ADAMTSL1: variants seen among roughly 807,000 people sequenced by gnomAD.
The protein encoded by ADAMTSL1 is ADAMTS like 1.
ADAMTSL1 carries 126 observed loss-of-function variants against 201.8 expected under a neutral mutation model. The ratio of observed to expected loss-of-function variants is 0.62; its 90% CI spans 0.54 to 0.72. The LOEUF is 0.72. Ranked by LOEUF, ADAMTSL1 falls within the 30% of genes least tolerant of loss-of-function variation. The pLI is 0.00. For synonymous variants in ADAMTSL1, 1,121 were observed against 903.4 expected, an observed-to-expected ratio of 1.24 and a Z score of -4.32; for missense variants, 2,679 against 2,277.8, an observed-to-expected ratio of 1.18 and a Z score of -3.59.
At chr9:18,672,284 G>A (rs1384062739) in intron 9 of ADAMTSL1, among the ~76,000 whole-genome samples, 1 of 151,752 alleles carries the variant, frequency 6.6e-6, no homozygotes, top group Non-Finnish European at 1.5e-5. Flanking sequence ...TGGAATTTGA[G>A]GTGATGGCCT....
chr9:18,905,933 A>C, intron 27 of ADAMTSL1, 42 bp downstream of exon 27: 2 of 1,490,256 alleles, frequency 1.3e-6, no homozygotes, highest in Non-Finnish European at 1.8e-6. Flanking sequence ...GCCCCATGTC[A>C]ACAGCACGGA....
chr9:18,727,429 G>T (rs1817955058), intron 15 of ADAMTSL1, among the ~76,000 whole-genome samples: 1 of 152,220 alleles, frequency 6.6e-6, no homozygotes, highest in South Asian at 2.1e-4. Flanking sequence ...AGTTAATGCT[G>T]TTACTACTGT....
At chr9:18,787,060 A>C (rs10963758) in intron 19 of ADAMTSL1, among the ~76,000 whole-genome samples, 1 of 152,074 alleles carries the variant, frequency 6.6e-6, no homozygotes, top group African/African-American at 2.4e-5. Flanking sequence ...TTCTCTATGT[A>C]CAAGTCATAA....
intron 23 of ADAMTSL1, among the ~76,000 whole-genome samples, chr9:18,842,532 G>T (rs1202743837): frequency 2.0e-5 from 3 of 152,188 alleles, no homozygotes; most frequent in Non-Finnish European, 4.4e-5. Flanking sequence ...GGGGTGGAGA[G>T]TTCTGTAGAC....
intron 26 of ADAMTSL1, among the ~76,000 whole-genome samples, chr9:18,905,112 T>A (rs1830229842): frequency 6.6e-6 from 1 of 152,220 alleles, no homozygotes. Flanking sequence ...CCTCTTGTTT[T>A]ACTGAAATAG....
intron 1 of ADAMTSL1, among the ~76,000 whole-genome samples, chr9:18,058,639 A>T (rs902052252): frequency 1.3e-5 from 2 of 152,160 alleles, no homozygotes; most frequent in Non-Finnish European, 2.9e-5. Context: ...GTAAAATCCC[A>T]TACTTTTGAC....
At chr9:18,517,583 C>A (rs1818435973) in intron 2 of ADAMTSL1, among the ~76,000 whole-genome samples, 4 of 147,372 alleles carry the variant, frequency 2.7e-5, no homozygotes, top group Admixed American at 6.8e-5. Flanking sequence ...CCCACACCAC[C>A]ACAGTCCCCA....
At chr9:18,746,047 C>T (rs772245957) in intron 15 of ADAMTSL1, among the ~76,000 whole-genome samples, 5 of 152,152 alleles carry the variant, frequency 3.3e-5, no homozygotes, top group African/African-American at 4.8e-5. Flanking sequence ...CATGCAGTGC[C>T]CCGTTGCCCC....
chr9:17,992,417 T>C (rs1323898244), intron 1 of ADAMTSL1, among the ~76,000 whole-genome samples: 2 of 152,216 alleles, frequency 1.3e-5, no homozygotes, highest in Non-Finnish European at 2.9e-5. Context: ...AAAATAATTT[T>C]TAAAATTTCG....
intron 10 of ADAMTSL1, 55 bp downstream of exon 10, chr9:18,675,962 T>C: frequency 7.1e-7 from 1 of 1,412,592 alleles, no homozygotes; most frequent in Admixed American, 1.7e-5. Context: ...TTCTGCTGCT[T>C]ATCTATATAT....
intron 19 of ADAMTSL1, among the ~76,000 whole-genome samples, chr9:18,785,186 C>T (rs1817591893): frequency 6.6e-6 from 1 of 151,810 alleles, no homozygotes; most frequent in Admixed American, 6.6e-5. Context: ...CTTAATGGAG[C>T]TGGGATTTGA....
At chr9:18,376,586 C>T (rs1837305697) in intron 2 of ADAMTSL1, among the ~76,000 whole-genome samples, 1 of 152,154 alleles carries the variant, frequency 6.6e-6, no homozygotes, top group African/African-American at 2.4e-5. Context: ...GGGTGGATCA[C>T]CTGAGGTCAG....
intron 1 of ADAMTSL1, among the ~76,000 whole-genome samples, chr9:18,151,530 A>G (rs1002865795): frequency 6.6e-6 from 1 of 151,860 alleles, no homozygotes; most frequent in Admixed American, 6.6e-5. Context: ...TTTAATCAAG[A>G]TAAGGGGCTG....
intron 1 of ADAMTSL1, among the ~76,000 whole-genome samples, chr9:17,934,448 C>G (rs1457950392): frequency 1.3e-5 from 2 of 152,134 alleles, no homozygotes; most frequent in Non-Finnish European, 2.9e-5. Flanking sequence ...CCTGCTCTCT[C>G]TTTGGTGCAC....
At chr9:18,105,492 T>A (rs1391114561) in intron 1 of ADAMTSL1, among the ~76,000 whole-genome samples, 2 of 152,208 alleles carry the variant, frequency 1.3e-5, no homozygotes, top group Admixed American at 6.6e-5. Context: ...GGAGCATTTC[T>A]AAGCCCCTTA....
chr9:17,984,318 A>G (rs1252552877), intron 1 of ADAMTSL1, among the ~76,000 whole-genome samples: 1 of 152,056 alleles, frequency 6.6e-6, no homozygotes, highest in Non-Finnish European at 1.5e-5. Context: ...ATCCTTCCCA[A>G]TGACTAGCTG....
intron 1 of ADAMTSL1, among the ~76,000 whole-genome samples, chr9:18,144,815 T>C (rs1826558418): frequency 1.3e-5 from 2 of 152,058 alleles, no homozygotes; most frequent in African/African-American, 4.8e-5. Flanking sequence ...TTCAGGTGAG[T>C]ACTCCTGCCA....
chr9:18,546,191 C>T (rs1820455951), intron 3 of ADAMTSL1, among the ~76,000 whole-genome samples: 1 of 152,098 alleles, frequency 6.6e-6, no homozygotes, highest in East Asian at 1.9e-4. Context: ...TATAATCTTG[C>T]TATGAGCAGT....
At chr9:18,226,110 G>C (rs72684931) in intron 2 of ADAMTSL1, among the ~76,000 whole-genome samples, 1 of 152,208 alleles carries the variant, frequency 6.6e-6, no homozygotes, top group Non-Finnish European at 1.5e-5. Flanking sequence ...TTTGTAAAGT[G>C]GTAGGTCCAA....
Sources: allele counts gnomAD v4.1 joint callset (sites outside exome capture counted in the v4.1 genomes callset), GRCh38; gene constraint gnomAD v4.1.1; transcripts MANE v1.5; gene names NCBI Gene and HGNC (gene_info 2026-07-23, HGNC 2026-07-21).